MMS22L: variants seen among roughly 807,000 people sequenced by gnomAD.
MMS22L encodes the protein protein MMS22-like.
Under a neutral mutation model 159.1 loss-of-function variants are expected in MMS22L, and 74 were observed. The ratio of observed to expected loss-of-function variants is 0.47; its 90% confidence interval spans 0.39 to 0.56. The LOEUF is 0.56. Ranked by LOEUF, MMS22L falls within the 20% of genes least tolerant of loss-of-function variation. The pLI is 0.00. For missense variants in MMS22L, 1,351 were observed against 1,422.1 expected (o/e 0.95, Z 0.80); for synonymous variants, 517 against 506.9 (o/e 1.02, Z -0.27).
chr6:97,177,610 C>G (rs767675826), intron 18 of MMS22L, among the ~76,000 whole-genome samples: 1 of 152,084 alleles, frequency 6.6e-6, no homozygotes, highest in Non-Finnish European at 1.5e-5. Context: ...GGTTCAGATC[C>G]AATCAACAAC....
At position 97,231,462 on chromosome 6, in the gene MMS22L, C is replaced by T. The variant is rs1279262342; in HGVS notation, c.1493G>A (p.Ser498Asn). 6.2e-7 allele frequency: 1 copy of T among 1,613,580 alleles called. No individual in the cohort carries two copies. Among genetic ancestry groups the T allele is most frequent in the East Asian group, 2.2e-5 (1 of 44,820 alleles). Reference sequence around the variant, plus strand: ...TTGTTTCCAAGGATGAGGGCCATTGCTCTTCATTGCTTTTTTAACAACTTT... The same window carrying T: ...TTGTTTCCAAGGATGAGGGCCATTGTTCTTCATTGCTTTTTTAACAACTTT... ...LAKVVKKAMK[S>N]NGPHPWKQVK... Residue 498 changes from serine (S) to asparagine (N), a missense_variant, in exon 13 of 25, where the codon AGC becomes AAC. Transcript: ENST00000683635.
intron 14 of MMS22L, among the ~76,000 whole-genome samples, chr6:97,203,249 TGTAAGATTTTAG>T (rs1807374613): frequency 6.6e-6 from 1 of 152,210 alleles, no homozygotes; most frequent in South Asian, 2.1e-4. Flanking sequence ...AGATGCTTTT[TGTAAGATTTTAG>T]GTAAGATTAA....
chr6:97,279,250 G>C (rs192329880), intron 3 of MMS22L, among the ~76,000 whole-genome samples: 2 of 151,560 alleles, frequency 1.3e-5, no homozygotes, highest in African/African-American at 4.9e-5. Flanking sequence ...TTGGGAGGCC[G>C]AGGCGGGCGG....
intron 7 of MMS22L, among the ~76,000 whole-genome samples, chr6:97,269,639 A>T (rs975415530): frequency 6.6e-5 from 10 of 152,162 alleles, no homozygotes; most frequent in Admixed American, 6.5e-4. Flanking sequence ...TGATGATCAT[A>T]TCTGTGGTTA....
At chr6:97,163,016 A>G (rs1480203886) in intron 21 of MMS22L, among the ~76,000 whole-genome samples, 1 of 152,052 alleles carries the variant, frequency 6.6e-6, no homozygotes, top group African/African-American at 2.4e-5. Context: ...TATTATAAAC[A>G]TAAGGACAGG....
chr6:97,221,576 AG>A (rs1204463812), intron 14 of MMS22L, among the ~76,000 whole-genome samples: 16 of 152,172 alleles, frequency 1.1e-4, no homozygotes, highest in Non-Finnish European at 2.1e-4. Context: ...ATATTTAACT[AG>A]GAAAAAAAGT....
intron 10 of MMS22L, among the ~76,000 whole-genome samples, chr6:97,247,184 T>C (rs949480478): frequency 6.6e-6 from 1 of 152,136 alleles, no homozygotes; most frequent in Non-Finnish European, 1.5e-5. Flanking sequence ...ACCTCGACTA[T>C]CTAGAATGAT....
chr6:97,258,145 T>G (rs1472111269), intron 9 of MMS22L, among the ~76,000 whole-genome samples: 1 of 152,220 alleles, frequency 6.6e-6, no homozygotes, highest in Non-Finnish European at 1.5e-5. Context: ...GCCAGTGGGA[T>G]GATATCCTTA....
intron 22 of MMS22L, 110 bp downstream of exon 22, chr6:97,161,887 CAAGAG>C: frequency 2.1e-6 from 2 of 962,842 alleles, no homozygotes; most frequent in African/African-American, 1.8e-5. Flanking sequence ...TGACCCATAT[CAAGAG>C]ATATAAAAGA....
chr6:97,183,791 G>A (rs1006096661), intron 15 of MMS22L, among the ~76,000 whole-genome samples: 1 of 152,016 alleles, frequency 6.6e-6, no homozygotes, highest in Non-Finnish European at 1.5e-5. Context: ...TTTTATCTGG[G>A]CACTAAAACA....
At chr6:97,194,208 C>A (rs1806218841) in intron 14 of MMS22L, among the ~76,000 whole-genome samples, 1 of 152,116 alleles carries the variant, frequency 6.6e-6, no homozygotes, top group Non-Finnish European at 1.5e-5. Flanking sequence ...CAGGTGCGTG[C>A]CACCATGCTC....
intron 4 of MMS22L, among the ~76,000 whole-genome samples, chr6:97,277,637 C>G (rs1403541979): frequency 6.6e-6 from 1 of 151,948 alleles, no homozygotes; most frequent in Admixed American, 6.5e-5. Flanking sequence ...TAGGATGCTC[C>G]CTTTGTTTGT....
intron 6 of MMS22L, chr6:97,270,262 C>G: frequency 1.8e-6 from 1 of 564,094 alleles, no homozygotes. Context: ...TACCTTCCAA[C>G]CAACCTCTGA....
In MMS22L at chr6:97,168,120, G is replaced by C; in HGVS notation, c.2960C>G (p.Pro987Arg). 6.2e-7 allele frequency: 1 copy of C among 1,613,048 alleles called. No individual in the cohort carries two copies. Among genetic ancestry groups the C allele is most frequent in the Non-Finnish European group, 8.5e-7 (1 of 1,179,366 alleles). Residue 987 changes from proline (P) to arginine (R), a missense_variant, in exon 20 of 25, where the codon CCT becomes CGT. By Grantham distance (103) the Pro-to-Arg change is moderately radical (BLOSUM62 -2). Transcript: ENST00000683635. Reference sequence around the variant, plus strand: ...CTGAATTGCTGACAACATAGGTGCAGGCAGTTCCTTCTCTTGCTGTAATAC... The same window carrying C: ...CTGAATTGCTGACAACATAGGTGCACGCAGTTCCTTCTCTTGCTGTAATAC... ...HAVLQQEKELPAPMLSAIQKS... is the reference protein window; with the variant it reads ...HAVLQQEKELRAPMLSAIQKS...
intron 7 of MMS22L, among the ~76,000 whole-genome samples, chr6:97,268,586 AAGAG>A (rs879525251): frequency 3.3e-5 from 5 of 152,170 alleles, no homozygotes; most frequent in Admixed American, 2.6e-4. Context: ...TTAAAAAAAA[AAGAG>A]AGAGAACAAC....
chr6:97,213,364 C>T (rs545621196), intron 14 of MMS22L, among the ~76,000 whole-genome samples: 2 of 152,188 alleles, frequency 1.3e-5, no homozygotes, highest in South Asian at 2.1e-4. Context: ...CAAGATCACG[C>T]CATTGTACTC....
chr6:97,175,428 C>G (rs909253589), intron 18 of MMS22L, among the ~76,000 whole-genome samples: 8 of 152,036 alleles, frequency 5.3e-5, no homozygotes, highest in African/African-American at 1.7e-4. Flanking sequence ...GCTATTATAC[C>G]AAAACTTGAC....
Position 97,282,369 on chromosome 6 carries a change from C to CTGTGTGTTG in MMS22L, c.108_109insCAACACACA (p.Arg36_Gly37insGlnHisThr), listed in dbSNP as rs776629617. On this transcript the variant is annotated inframe_insertion, in exon 2 of 25. Transcript: ENST00000683635. Reference sequence around the variant, plus strand: ...TCTCCAGAAAAATGTTTTCCTCCTCCTCTGTTGTCAACAGCACAAGAAAAG... The same window carrying CTGTGTGTTG: ...TCTCCAGAAAAATGTTTTCCTCCTCCTGTGTGTTGTCTGTTGTCAACAGCACAAGAAAAG... 2 of 1,614,170 alleles carry CTGTGTGTTG rather than the reference C, an allele frequency of 1.2e-6. No individual in the cohort carries two copies. Among genetic ancestry groups the CTGTGTGTTG allele is most frequent in the East Asian group, 4.5e-5 (2 of 44,874 alleles).
At position 97,146,682 on chromosome 6, in the gene MMS22L, G is replaced by GA. The variant is rs909099635; in HGVS notation, c.*123dup. 54 of 603,912 alleles carry GA rather than the reference G, an allele frequency of 8.9e-5. No homozygotes were observed. The highest frequency in any genetic ancestry group is 1.2e-4 in the Non-Finnish European group (45 of 382,364). 37.4% of individuals were successfully genotyped at this position (603,912 alleles called of 1,614,324 possible). On this transcript the variant is annotated 3_prime_UTR_variant, in exon 25 of 25. Transcript: ENST00000683635. ...CATTTTTTACTTACAGATATAAAAG[G>GA]AAAAAAAATCCTAGAAATTATTTTA...
Sources: gnomAD v4.1 joint callset for allele counts (sites outside exome capture counted in the v4.1 genomes callset) on GRCh38, gnomAD v4.1.1 for gene constraint, MANE v1.5 for transcripts, NCBI Gene and HGNC (gene_info 2026-07-23, HGNC 2026-07-21) for gene names.